Variants in DFFB observed in about 807,000 individuals in gnomAD.
DFFB encodes the protein DNA fragmentation factor 40 kDa subunit.
Under a neutral mutation model 32.7 loss-of-function variants are expected in DFFB, and 29 were observed. The ratio of observed to expected loss-of-function variants is 0.89; its 90% CI spans 0.66 to 1.21. DFFB has a LOEUF of 1.21. Among genes scored for constraint, DFFB ranks in the 50% most tolerant of loss-of-function variants. The probability of loss-of-function intolerance (pLI) is 0.00; values close to 1 mark genes in which losing one functional copy is unlikely to be tolerated. For missense variants in DFFB, 398 were observed against 440.6 expected, an observed-to-expected ratio of 0.90 and a Z score of 0.87; for synonymous variants, 170 against 177.1, an observed-to-expected ratio of 0.96 and a Z score of 0.32.
chr1:3,865,386 C>CT lies in DFFB; in HGVS notation c.242-424dup, dbSNP rs1477326771. Among the ~76,000 whole-genome samples, 1 of 152,174 alleles carries CT rather than the reference C, an allele frequency of 6.6e-6. No individual in the cohort carries two copies. The highest frequency in any genetic ancestry group is 2.4e-5 in the African/African-American group (1 of 41,436). ...AGGTCCTGGGTAGACTTTGCTTTAA[C>CT]TTCCTATTAAGAGCCTGCCCGGAGA... On this transcript the variant is annotated intron_variant, in intron 2 of 6. Coordinates refer to ENST00000378209, the MANE Select transcript of DFFB (RefSeq NM_004402.4). The surrounding 1 kb of genome is among the most constrained non-coding windows in gnomAD (Gnocchi z 4.7).
At position 3,865,223 on chromosome 1, in the gene DFFB, G is replaced by A. The variant is rs1644953099; in HGVS notation, c.242-589G>A. 6.6e-6 allele frequency among the ~76,000 whole-genome samples: 1 copy of A among 152,162 alleles called. No homozygotes were observed. The highest frequency in any genetic ancestry group is 1.5e-5 in the Non-Finnish European group (1 of 68,030). On this transcript the variant is annotated intron_variant, in intron 2 of 6. Transcript: ENST00000378209. The surrounding 1 kb of genome is among the most constrained non-coding windows in gnomAD (Gnocchi z 4.7). ...TCCTCCTGTCTTCTTCTGACCCACTGATGTGATCGTGAGGCTTTTCTCATA... is the reference window on the plus strand; with the variant it reads ...TCCTCCTGTCTTCTTCTGACCCACTAATGTGATCGTGAGGCTTTTCTCATA...
chr1:3,866,035 TC>T, intron 3 of DFFB, 35 bp downstream of exon 3: 2 of 1,493,276 alleles, frequency 1.3e-6, no homozygotes, highest in Non-Finnish European at 1.8e-6. Context: ...GGGAGAGGCT[TC>T]TTTGGAGCCT....
intron 6 of DFFB, among the ~76,000 whole-genome samples, chr1:3,877,443 C>T (rs1645247417): frequency 6.7e-6 from 1 of 150,004 alleles, no homozygotes; most frequent in African/African-American, 2.5e-5. Flanking sequence ...GTTTTTCATG[C>T]CTCAGCCTCC....
intron 5 of DFFB, among the ~76,000 whole-genome samples, chr1:3,871,333 C>G (rs1469272806): frequency 6.6e-6 from 1 of 152,200 alleles, no homozygotes; most frequent in Non-Finnish European, 1.5e-5. Flanking sequence ...TGTCACCAAG[C>G]TGGAATGCAG....
At chr1:3,872,614 G>GGGCACTGTCCCTGCCGC in intron 6 of DFFB, 42 bp downstream of exon 6, 4 of 959,740 alleles carry the variant, frequency 4.2e-6, no homozygotes, top group Non-Finnish European at 6.0e-6. Context: ...AGTGCCTGCA[G>GGGCACTGTCCCTGCCGC]GGCCCTGTCC....
In DFFB at chr1:3,857,566, A is replaced by T. The variant is rs34891610; in HGVS notation, c.-38A>T. The T allele has an allele frequency of 2.2e-5, 32 of 1,456,946 alleles. No homozygotes were observed. Among genetic ancestry groups the T allele is most frequent in the Non-Finnish European group, 2.8e-5 (30 of 1,087,104 alleles). The allele number at this position is 1,456,946 out of a possible 1,614,324, so 90.3% of individuals were successfully genotyped here. A position where few individuals can be genotyped will look rare whatever the true frequency, so the allele number is the denominator to read the frequency against. Reference sequence around the variant, plus strand: ...TCTGAGCAGCTGGGCAGCAGGTGCCACCGCCTGTGGGACCCAGAGGGCTTG... The same window carrying T: ...TCTGAGCAGCTGGGCAGCAGGTGCCTCCGCCTGTGGGACCCAGAGGGCTTG... On this transcript the variant is annotated 5_prime_UTR_variant, in exon 1 of 7. Coordinates refer to ENST00000378209, the MANE Select transcript of DFFB (RefSeq NM_004402.4).
intron 6 of DFFB, among the ~76,000 whole-genome samples, chr1:3,876,071 C>T (rs1645215921): frequency 6.6e-6 from 1 of 152,192 alleles, no homozygotes; most frequent in Non-Finnish European, 1.5e-5. Context: ...AGCCACTGTG[C>T]CTGGCCCACA....
intron 5 of DFFB, among the ~76,000 whole-genome samples, chr1:3,870,888 A>G (rs1275493632): frequency 9.2e-5 from 14 of 152,170 alleles, no homozygotes; most frequent in Non-Finnish European, 1.6e-4. Context: ...CACAGAGTGC[A>G]AGTAGGCACT....
rs754809517 is a variant in DFFB, at chr1:3,872,591, G to T, written c.782+19G>T. 1 of 1,550,528 alleles carries T rather than the reference G, an allele frequency of 6.4e-7. No homozygotes were observed. The highest frequency in any genetic ancestry group is 1.1e-5 in the South Asian group (1 of 89,496). ...ATCACATGTAAGCTCACAGAGCGAG[G>T]TTCAGACCCACGAGTGCCTGCAGGG... On this transcript the variant is annotated intron_variant, in intron 6 of 6. Transcript: ENST00000378209.
In DFFB at chr1:3,883,728, G is replaced by A. The variant is rs199858021; in HGVS notation, c.1004G>A (p.Arg335Gln). The change falls in exon 7 of 7, where the codon CGG becomes CAG. Residue 335 changes from arginine to glutamine, a missense_variant. Physicochemically the swap from Arg to Gln is conservative, Grantham distance 43 (BLOSUM62 1). Coordinates refer to ENST00000378209, the MANE Select transcript of DFFB (RefSeq NM_004402.4). ...AGGTTGAAGCGGAAGCAGCCTGTGC[G>A]GAAACGCCAGTGACACGTACACACC... ...QTRLKRKQPV[R>Q]KRQ is the part of the protein sequence containing the mutation. 2.4e-5 allele frequency: 39 copies of A among 1,614,068 alleles called. No homozygotes were observed. The highest frequency in any genetic ancestry group is 2.0e-4 in the African/African-American group (15 of 75,032).
At position 3,883,796 on chromosome 1, in the gene DFFB, A is replaced by G. The variant is rs1193641188; in HGVS notation, c.*55A>G. 9 of 1,500,822 alleles carry G rather than the reference A, an allele frequency of 6.0e-6. No individual in the cohort carries two copies. The Admixed American group carries it at 1.4e-4, about 23-fold the overall frequency. 93.0% of individuals were successfully genotyped at this position (1,500,822 alleles called of 1,614,324 possible). ...TGAGGCCTGACGTGGGCATCATTTT[A>G]ACAGGTGCCTTTTTTGTTTTTTTGT... On this transcript the variant is annotated 3_prime_UTR_variant, in exon 7 of 7. Transcript: ENST00000378209.
Position 3,878,443 on chromosome 1 carries a change from C to T in DFFB, c.783-5064C>T, listed in dbSNP as rs115167644. Among the ~76,000 whole-genome samples the T allele has an allele frequency of 4.0e-3, 603 of 152,358 alleles. 1 individual carries two copies. Among genetic ancestry groups the T allele is most frequent in the African/African-American group, 0.014 (567 of 41,580 alleles). On this transcript the variant is annotated intron_variant, in intron 6 of 6. Transcript: ENST00000378209. Reference sequence around the variant, plus strand: ...CTGGGGTTACAGGCGTGAGCCACCACGCTGAGCCCACTCAGTGAACCTCTG... The same window carrying T: ...CTGGGGTTACAGGCGTGAGCCACCATGCTGAGCCCACTCAGTGAACCTCTG...
Position 3,869,664 on chromosome 1 carries a change from C to G in DFFB, c.570C>G (p.Leu190=). 6.2e-7 allele frequency: 1 copy of G among 1,613,584 alleles called. No homozygotes were observed. Among genetic ancestry groups the G allele is most frequent in the South Asian group, 1.1e-5 (1 of 91,078 alleles). The change falls in exon 5 of 7, where the codon CTC becomes CTG. Residue 190 remains leucine (L), a synonymous_variant. Coordinates refer to ENST00000378209, the MANE Select transcript of DFFB (RefSeq NM_004402.4). ...AEAQEEFLRV[L]GSMCQRLRSM... Reference sequence around the variant, plus strand: ...CTCAGGAGGAATTCCTGCGGGTCCTCGGCTCCATGTGCCAGAGGCTCCGGT... The same window carrying G: ...CTCAGGAGGAATTCCTGCGGGTCCTGGGCTCCATGTGCCAGAGGCTCCGGT...
intron 6 of DFFB, among the ~76,000 whole-genome samples, chr1:3,876,562 G>A (rs1645225804): frequency 6.6e-6 from 1 of 152,220 alleles, no homozygotes; most frequent in South Asian, 2.1e-4. Context: ...GTTTGTGGGG[G>A]TTGACACCAC....
At chr1:3,863,081 G>A (rs1340141477) in intron 2 of DFFB, among the ~76,000 whole-genome samples, 3 of 152,298 alleles carry the variant, frequency 2.0e-5, no homozygotes, top group Non-Finnish European at 4.4e-5. Context: ...CCGGGGAGGT[G>A]GAGGCTGCAG....
At chr1:3,877,819 C>T (rs988642927) in intron 6 of DFFB, among the ~76,000 whole-genome samples, 2 of 152,112 alleles carry the variant, frequency 1.3e-5, no homozygotes, top group Admixed American at 1.3e-4. Flanking sequence ...ACACTCAGCA[C>T]CTCAGTTCCA....
At chr1:3,869,119 G>A (rs983453009) in intron 4 of DFFB, among the ~76,000 whole-genome samples, 1 of 152,202 alleles carries the variant, frequency 6.6e-6, no homozygotes, top group African/African-American at 2.4e-5. Context: ...GAGTACAGTG[G>A]TGCAATCTCA....
At chr1:3,861,717 C>T (rs1294465703) in intron 2 of DFFB, among the ~76,000 whole-genome samples, 3 of 152,208 alleles carry the variant, frequency 2.0e-5, no homozygotes, top group African/African-American at 4.8e-5. Flanking sequence ...CGTGAGCCAC[C>T]GCACCTGGCC....
intron 5 of DFFB, among the ~76,000 whole-genome samples, chr1:3,870,736 A>T (rs1311014324): frequency 6.6e-6 from 1 of 152,082 alleles, no homozygotes; most frequent in Non-Finnish European, 1.5e-5. Flanking sequence ...AAGCGGCCCC[A>T]GGGAGGGGGT....
Sources: gnomAD v4.1 joint callset for allele counts (sites outside exome capture counted in the v4.1 genomes callset) on GRCh38, gnomAD v4.1.1 for gene constraint, Gnocchi (gnomAD v3.1) non-coding constraint, MANE v1.5 for transcripts, NCBI Gene and HGNC (gene_info 2026-07-23, HGNC 2026-07-21) for gene names.